EPHA2: variants seen among roughly 807,000 people sequenced by gnomAD.
The protein encoded by EPHA2 is ephrin type-A receptor 2.
EPHA2 carries 54 observed loss-of-function variants against 104.9 expected under a neutral mutation model. The ratio of observed to expected loss-of-function variants is 0.51; its 90% CI spans 0.41 to 0.65. The LOEUF (loss-of-function observed/expected upper bound fraction) is 0.65. Among genes scored for constraint, EPHA2 ranks in the 30% least tolerant of loss-of-function variants. The probability of loss-of-function intolerance (pLI) is 0.00; values close to 1 mark genes in which losing one functional copy is unlikely to be tolerated. For missense variants in EPHA2, 1,117 were observed against 1,369.5 expected, an observed-to-expected ratio of 0.82 and a Z score of 2.91; for synonymous variants, 560 against 559.1, an observed-to-expected ratio of 1.00 and a Z score of -0.02.
Position 16,134,634 on chromosome 1 carries a change from C to T in EPHA2, c.1583-67G>A. The T allele has an allele frequency of 6.6e-7, 1 of 1,511,648 alleles. No individual in the cohort carries two copies. The highest frequency in any genetic ancestry group is 9.1e-7 in the Non-Finnish European group (1 of 1,101,096). The allele number at this position is 1,511,648 out of a possible 1,614,324, so 93.6% of individuals were successfully genotyped here. A position where few individuals can be genotyped will look rare whatever the true frequency, so the allele number is the denominator to read the frequency against. ...AAATTACAGCAACACCCGCGCTGCA[C>T]CCAAGACACCTGGGCCCCTACTGTG... On this transcript the variant is annotated intron_variant, in intron 7 of 16. Coordinates refer to ENST00000358432, the MANE Select transcript of EPHA2 (RefSeq NM_004431.5). The surrounding 1 kb of genome is among the most constrained non-coding windows in gnomAD (Gnocchi z 4.5).
chr1:16,144,546 C>A (rs556757269), intron 3 of EPHA2, among the ~76,000 whole-genome samples: 29 of 152,324 alleles, frequency 1.9e-4, no homozygotes, highest in Admixed American at 1.8e-3. Flanking sequence ...GCCACTGGGG[C>A]TGTAAGCAGT....
rs2024515323 is a variant in EPHA2 at position 16,128,725 on chromosome 1, G to C, written c.2825+709C>G. ...AATGCTGGAGTTGGGAAGGGGAGAAGAGCTGCCAAGGGGCAGCTTGACAAA... is the reference window on the plus strand; with the variant it reads ...AATGCTGGAGTTGGGAAGGGGAGAACAGCTGCCAAGGGGCAGCTTGACAAA... On this transcript the variant is annotated intron_variant, in intron 16 of 16. Transcript: ENST00000358432. The surrounding 1 kb of genome is among the most constrained non-coding windows in gnomAD (Gnocchi z 4.7). 6.6e-6 allele frequency among the ~76,000 whole-genome samples: 1 copy of C among 152,182 alleles called. No homozygotes were observed. The highest frequency in any genetic ancestry group is 1.5e-5 in the Non-Finnish European group (1 of 68,036).
chr1:16,131,244 C>T lies in EPHA2; in HGVS notation c.2475+477G>A, dbSNP rs1481825486. Among the ~76,000 whole-genome samples, 1 of 152,196 alleles carries T rather than the reference C, an allele frequency of 6.6e-6. No individual in the cohort carries two copies. Among genetic ancestry groups the T allele is most frequent in the African/African-American group, 2.4e-5 (1 of 41,438 alleles). On this transcript the variant is annotated intron_variant, in intron 14 of 16. Coordinates refer to ENST00000358432, the MANE Select transcript of EPHA2 (RefSeq NM_004431.5). This position sits in a 1 kb window ranked among gnomAD's most constrained non-coding sequence, Gnocchi z 5.2. Reference sequence around the variant, plus strand: ...ATCTCTGCACTCTCTGAATCAGCTCCTGGAACCCAGCACAAGGCCTGGCAC... The same window carrying T: ...ATCTCTGCACTCTCTGAATCAGCTCTTGGAACCCAGCACAAGGCCTGGCAC...
chr1:16,152,951 G>A (rs566910379), intron 1 of EPHA2, among the ~76,000 whole-genome samples: 3 of 152,202 alleles, frequency 2.0e-5, no homozygotes, highest in Admixed American at 6.5e-5. Flanking sequence ...GGGTCCCTCC[G>A]CCCTGACGCG....
chr1:16,126,323 C>T (rs2024466355), intron 16 of EPHA2, among the ~76,000 whole-genome samples: 1 of 152,208 alleles, frequency 6.6e-6, no homozygotes, highest in Non-Finnish European at 1.5e-5. Context: ...TAGCCCAAAC[C>T]CATGAAAACA....
At chr1:16,136,769 A>AGAG (rs1553135659) in intron 5 of EPHA2, among the ~76,000 whole-genome samples, 2 of 150,556 alleles carry the variant, frequency 1.3e-5, no homozygotes, top group Non-Finnish European at 3.0e-5. Context: ...AAGAAGAAGA[A>AGAG]GAAGAACTAA....
chr1:16,126,341 T>C lies in EPHA2; in HGVS notation c.2826-1021A>G, dbSNP rs75936785. Among the ~76,000 whole-genome samples, 9 of 152,286 alleles carry C rather than the reference T, an allele frequency of 5.9e-5. No individual in the cohort carries two copies. In the South Asian group the frequency reaches 1.2e-3, roughly 21 times the overall value. On this transcript the variant is annotated intron_variant, in intron 16 of 16. Coordinates refer to ENST00000358432, the MANE Select transcript of EPHA2 (RefSeq NM_004431.5). Reference sequence around the variant, plus strand: ...CCCAAACCCATGAAAACACCCAAGTTTTTATGGGCCGACTTTTGGCTGTAA... The same window carrying C: ...CCCAAACCCATGAAAACACCCAAGTCTTTATGGGCCGACTTTTGGCTGTAA...
At chr1:16,153,309 C>G (rs2025081279) in intron 1 of EPHA2, 1 of 985,436 alleles carries the variant, frequency 1.0e-6, no homozygotes, top group South Asian at 4.7e-5. Context: ...TTCCCCCATT[C>G]CTCTCTAACC....
chr1:16,135,767 G>A lies in EPHA2; in HGVS notation c.1316C>T (p.Pro439Leu), dbSNP rs2124216648. Residue 439 changes from proline to leucine, a missense_variant, in exon 6 of 17, where the codon CCC becomes CTC. Physicochemically the swap from Pro to Leu is moderately conservative, Grantham distance 98. Coordinates refer to ENST00000358432, the MANE Select transcript of EPHA2 (RefSeq NM_004431.5). The surrounding 1 kb of genome is among the most constrained non-coding windows in gnomAD (Gnocchi z 4.3). ...GCGGCCCTCCAGCCTCACCTTGGGG[G>A]GCTCTGGGCAGGACAGGCAGTGGGG... ...TASVSINQTEPPKVRLEGRST... is the reference protein window; with the variant it reads ...TASVSINQTELPKVRLEGRST... 1 of 1,611,754 alleles carries A rather than the reference G, an allele frequency of 6.2e-7. No homozygotes were observed. The highest frequency in any genetic ancestry group is 8.5e-7 in the Non-Finnish European group (1 of 1,179,086).
At chr1:16,129,374 G>GAGGCAGCCTC in intron 16 of EPHA2, 60 bp downstream of exon 16, 1 of 1,589,748 alleles carries the variant, frequency 6.3e-7, no homozygotes, top group Non-Finnish European at 8.6e-7. Flanking sequence ...GGGGGGCATG[G>GAGGCAGCCTC]AGGCAGCCTC....
At chr1:16,153,703 A>G (rs1465048889) in intron 1 of EPHA2, among the ~76,000 whole-genome samples, 1 of 152,146 alleles carries the variant, frequency 6.6e-6, no homozygotes, top group Non-Finnish European at 1.5e-5. Context: ...GTGGCTGTTG[A>G]TGACCTAACA....
chr1:16,137,938 G>C lies in EPHA2; in HGVS notation c.1227C>G (p.Thr409=), dbSNP rs1373316347. ...CGCCATTGCGGGCCTCCACGGTGAA[G>C]GTGTAGTTCATGTGGGGCTCCAGGT... is the stretch of plus-strand genomic sequence containing the variant. ...VSDLEPHMNY[T]FTVEARNGVS... Residue 409 remains threonine (T), a synonymous_variant, in exon 5 of 17, where the codon ACC becomes ACG. Transcript: ENST00000358432. 3 of 1,614,184 alleles carry C rather than the reference G, an allele frequency of 1.9e-6. No homozygotes were observed. In the Admixed American group the frequency reaches 5.0e-5, roughly 27 times the overall value.
chr1:16,129,406 AGGG>A, intron 16 of EPHA2, 25 bp downstream of exon 16: 2 of 1,579,472 alleles, frequency 1.3e-6, no homozygotes, highest in Non-Finnish European at 1.7e-6. Context: ...GCGGGAGGCG[AGGG>A]GGGACGGAAA....
At chr1:16,145,594 G>A (rs2024918346) in intron 3 of EPHA2, among the ~76,000 whole-genome samples, 2 of 152,108 alleles carry the variant, frequency 1.3e-5, no homozygotes, top group Admixed American at 1.3e-4. Flanking sequence ...GGCAGGGAGG[G>A]CAGACCCTGT....
At position 16,125,091 on chromosome 1, in the gene EPHA2, G is replaced by A. The variant is rs1039662473; in HGVS notation, c.*124C>T. On this transcript the variant is annotated 3_prime_UTR_variant, in exon 17 of 17. Coordinates refer to ENST00000358432, the MANE Select transcript of EPHA2 (RefSeq NM_004431.5). This position sits in a 1 kb window ranked among gnomAD's most constrained non-coding sequence, Gnocchi z 4.9. ...TGTCATCCGAGACCCCTCAGCGGAA[G>A]TTGCAGGGGGAGGAAAGAACTAGAA... The A allele has an allele frequency of 1.1e-5, 10 of 899,100 alleles. No homozygotes were observed. The highest frequency in any genetic ancestry group is 1.8e-5 in the Non-Finnish European group (10 of 555,362). 55.7% of individuals were successfully genotyped at this position (899,100 alleles called of 1,614,324 possible).
rs914139663 is a variant in EPHA2 at position 16,135,663 on chromosome 1, G to C, written c.1420C>G (p.Arg474Gly). The C allele has an allele frequency of 6.2e-7, 1 of 1,613,776 alleles. No individual in the cohort carries two copies. The highest frequency in any genetic ancestry group is 1.3e-5 in the African/African-American group (1 of 74,898). Residue 474 changes from arginine (R) to glycine (G), a missense_variant, in exon 6 of 17, where the codon CGC becomes GGC. Coordinates refer to ENST00000358432, the MANE Select transcript of EPHA2 (RefSeq NM_004431.5). This position sits in a 1 kb window ranked among gnomAD's most constrained non-coding sequence, Gnocchi z 4.3. ...SRVWKYEVTY[R>G]KKGDSNSYNV... Reference sequence around the variant, plus strand: ...GCCCCTCTGGGAGTTACCTTCTTGCGGTAAGTGACCTCGTACTTCCACACT... The same window carrying C: ...GCCCCTCTGGGAGTTACCTTCTTGCCGTAAGTGACCTCGTACTTCCACACT...
chr1:16,148,620 A>C lies in EPHA2; in HGVS notation c.581T>G (p.Val194Gly). 1.2e-6 allele frequency: 2 copies of C among 1,608,822 alleles called. No individual in the cohort carries two copies. The highest frequency in any genetic ancestry group is 4.5e-5 in the East Asian group (2 of 44,896). ...GGGGCACTTCTTGTAGTAGACACGG[A>C]CGGAGAGCAGCGCCACACAGGCACC... ...DIGACVALLS[V>G]RVYYKKCPEL... is the part of the protein sequence containing the mutation. Residue 194 changes from valine (V) to glycine (G), a missense_variant, in exon 3 of 17, where the codon GTC becomes GGC. Physicochemically the swap from Val to Gly is moderately radical, Grantham distance 109 (BLOSUM62 -3). Around this residue, in one of 3 missense-constraint regions of EPHA2, gnomAD observed 664 missense variants for 784.8 expected, o/e 0.85. Transcript: ENST00000358432. The surrounding 1 kb of genome is among the most constrained non-coding windows in gnomAD (Gnocchi z 4.9).
At position 16,138,330 on chromosome 1, in the gene EPHA2, C is replaced by G. The variant is rs759269511; in HGVS notation, c.924G>C (p.Glu308Asp). 3.7e-6 allele frequency: 6 copies of G among 1,613,824 alleles called. No individual in the cohort carries two copies. The change falls in exon 4 of 17, where the codon GAG (glutamate) becomes GAC (aspartate). Residue 308 changes from glutamate to aspartate, a missense_variant. By Grantham distance (45) the Glu-to-Asp change is conservative (BLOSUM62 2). Around this residue, in one of 3 missense-constraint regions of EPHA2, gnomAD observed 664 missense variants for 784.8 expected, o/e 0.85. Transcript: ENST00000358432. The stretch of plus-strand genomic sequence containing the variant: ...GTGCCCGGAAGAAGCCTTCCTCACA[C>G]TCGCAGGAGGTGGCACCCTCAGGGG... ...LPSPEGATSC[E>D]CEEGFFRAPQ...
At chr1:16,152,841 C>T (rs925173024) in intron 1 of EPHA2, among the ~76,000 whole-genome samples, 2 of 152,214 alleles carry the variant, frequency 1.3e-5, no homozygotes, top group African/African-American at 2.4e-5. Flanking sequence ...AAGAAGCCCT[C>T]ACACAGGAAG....
Sources: allele counts gnomAD v4.1 joint callset (sites outside exome capture counted in the v4.1 genomes callset), GRCh38; gene constraint gnomAD v4.1.1; regional missense constraint gnomAD v4.1.1; non-coding constraint Gnocchi (gnomAD v3.1); transcripts MANE v1.5; gene names NCBI Gene and HGNC (gene_info 2026-07-23, HGNC 2026-07-21).